Variants in COL19A1 observed in about 807,000 individuals in gnomAD.
COL19A1 encodes collagen alpha-1(XIX) chain.
COL19A1 carries 159 observed loss-of-function variants against 190.2 expected under a neutral mutation model. That is an observed-to-expected ratio of 0.84 (90% CI 0.73 to 0.95). COL19A1 has a LOEUF of 0.95. Ranked by LOEUF, COL19A1 falls within the 40% of genes least tolerant of loss-of-function variation. The pLI is 0.00. For missense variants in COL19A1, 1,418 were observed against 1,431.9 expected (o/e 0.99, Z 0.16); for synonymous variants, 509 against 458.9 (o/e 1.11, Z -1.39).
chr6:70,048,885 A>G (rs1042412609), intron 14 of COL19A1, among the ~76,000 whole-genome samples: 23 of 152,216 alleles, frequency 1.5e-4, no homozygotes, highest in African/African-American at 5.3e-4. Flanking sequence ...GCTTTGCTGC[A>G]TATAATTTTT....
Position 69,962,884 on chromosome 6 carries a change from T to C in COL19A1, c.1026+14T>C. 6.3e-7 allele frequency: 1 copy of C among 1,596,312 alleles called. No individual in the cohort carries two copies. Among genetic ancestry groups the C allele is most frequent in the Middle Eastern group, 1.7e-4 (1 of 5,962 alleles). ...ACTGGTGAAAAGGTAAATATCTCTT[T>C]TTACATTCACATCTGTAAAAAGAAA... On this transcript the variant is annotated intron_variant, in intron 11 of 50. Transcript: ENST00000620364.
At chr6:70,046,986 T>G (rs1239823278) in intron 14 of COL19A1, among the ~76,000 whole-genome samples, 1 of 152,110 alleles carries the variant, frequency 6.6e-6, no homozygotes, top group Non-Finnish European at 1.5e-5. Flanking sequence ...TTCCACGTTT[T>G]AAAAATATCA....
chr6:70,118,460 C>T (rs1277294009), intron 16 of COL19A1, among the ~76,000 whole-genome samples: 2 of 152,162 alleles, frequency 1.3e-5, no homozygotes, highest in African/African-American at 4.8e-5. Flanking sequence ...CTGAAGGGTT[C>T]CTTCGGACCG....
chr6:70,098,220 T>A lies in COL19A1; in HGVS notation c.1225-3949T>A, dbSNP rs3793054. Among the ~76,000 whole-genome samples, 6 of 152,314 alleles carry A rather than the reference T, an allele frequency of 3.9e-5. No individual in the cohort carries two copies. The East Asian group carries it at 1.2e-3, about 29-fold the overall frequency. On this transcript the variant is annotated intron_variant, in intron 15 of 50. Coordinates refer to ENST00000620364, the MANE Select transcript of COL19A1 (RefSeq NM_001858.6). The stretch of plus-strand genomic sequence containing the variant: ...GAAAAGTGGGGGAATCTGATTTTAG[T>A]CCTAGGAAGGGAGTTGTGGTTTATG...
intron 4 of COL19A1, among the ~76,000 whole-genome samples, chr6:69,912,700 C>A (rs553715599): frequency 6.6e-6 from 1 of 152,238 alleles, no homozygotes; most frequent in East Asian, 1.9e-4. Flanking sequence ...GTCCCCTGGG[C>A]CCTGAGGCAG....
intron 31 of COL19A1, among the ~76,000 whole-genome samples, chr6:70,154,162 T>C (rs1414925647): frequency 7.8e-6 from 1 of 128,756 alleles, no homozygotes; most frequent in African/African-American, 3.1e-5. Flanking sequence ...CCTGTGTCCA[T>C]GTGTTCTCAT....
intron 16 of COL19A1, among the ~76,000 whole-genome samples, chr6:70,112,124 A>G (rs1289644274): frequency 6.6e-6 from 1 of 152,188 alleles, no homozygotes; most frequent in Non-Finnish European, 1.5e-5. Flanking sequence ...GGGTCCATGT[A>G]AGCCATCTTT....
At chr6:70,046,200 C>T (rs1291697740) in intron 14 of COL19A1, among the ~76,000 whole-genome samples, 1 of 152,188 alleles carries the variant, frequency 6.6e-6, no homozygotes, top group East Asian at 1.9e-4. Flanking sequence ...AATTCTCACA[C>T]CTCTGCTATT....
At chr6:70,019,978 A>C (rs980501148) in intron 11 of COL19A1, among the ~76,000 whole-genome samples, 1 of 152,118 alleles carries the variant, frequency 6.6e-6, no homozygotes, top group Admixed American at 6.5e-5. Context: ...ATATCAATAC[A>C]TATTTCCTTC....
intron 1 of COL19A1, among the ~76,000 whole-genome samples, chr6:69,876,970 C>G (rs555844819): frequency 7.9e-5 from 12 of 152,146 alleles, no homozygotes; most frequent in Non-Finnish European, 1.6e-4. Flanking sequence ...TAGCTATTCA[C>G]CCAGAAAGAT....
intron 33 of COL19A1, 34 bp from the exon 34 acceptor site, chr6:70,156,636 T>C: frequency 6.2e-7 from 1 of 1,605,432 alleles, no homozygotes; most frequent in Non-Finnish European, 8.5e-7. Flanking sequence ...AGAAAAATGA[T>C]TGCATGTGCT....
At chr6:70,099,102 G>A (rs1783471531) in intron 15 of COL19A1, among the ~76,000 whole-genome samples, 1 of 144,352 alleles carries the variant, frequency 6.9e-6, no homozygotes, top group Non-Finnish European at 1.5e-5. Flanking sequence ...AAAAGAGATT[G>A]TGCCCTGCCT....
intron 15 of COL19A1, among the ~76,000 whole-genome samples, chr6:70,096,592 G>T (rs891031796): frequency 1.3e-5 from 2 of 152,030 alleles, no homozygotes; most frequent in Non-Finnish European, 2.9e-5. Context: ...GAAAAAATGG[G>T]GCACAGGGAT....
intron 11 of COL19A1, among the ~76,000 whole-genome samples, chr6:69,966,355 A>G (rs1562042750): frequency 1.3e-5 from 2 of 152,220 alleles, no homozygotes; most frequent in Non-Finnish European, 1.5e-5. Flanking sequence ...GAAAAGAAAG[A>G]GAGATCAGAT....
chr6:70,150,374 A>G (rs1786977740), intron 30 of COL19A1, among the ~76,000 whole-genome samples: 1 of 152,182 alleles, frequency 6.6e-6, no homozygotes, highest in African/African-American at 2.4e-5. Flanking sequence ...TAGTGGCTAA[A>G]TGAATTTCAT....
At chr6:70,142,894 G>A in intron 23 of COL19A1, 74 bp downstream of exon 23, 1 of 1,362,210 alleles carries the variant, frequency 7.3e-7, no homozygotes, top group Non-Finnish European at 1.0e-6. Context: ...ATCAACATGT[G>A]TTCAAGTAAC....
At chr6:69,966,255 C>G (rs61336925) in intron 11 of COL19A1, among the ~76,000 whole-genome samples, 4 of 152,158 alleles carry the variant, frequency 2.6e-5, no homozygotes, top group African/African-American at 9.7e-5. Flanking sequence ...CCGGCCGCCA[C>G]CCCGTCTGGG....
rs1767147448 is a variant in COL19A1, at chr6:70,195,582, A to G, written c.3095-4026A>G. ...CAGAGGCAGACTACTTACCCTTTTA[A>G]GATAATAATAAACCCTCAGTCTTTT... On this transcript the variant is annotated intron_variant, in intron 48 of 50. Coordinates refer to ENST00000620364, the MANE Select transcript of COL19A1 (RefSeq NM_001858.6). Among the ~76,000 whole-genome samples, 3 of 152,256 alleles carry G rather than the reference A, an allele frequency of 2.0e-5. No individual in the cohort carries two copies. In the South Asian group the frequency reaches 6.2e-4, roughly 32 times the overall value.
At chr6:70,188,532 T>A (rs1766666416) in intron 47 of COL19A1, among the ~76,000 whole-genome samples, 1 of 152,210 alleles carries the variant, frequency 6.6e-6, no homozygotes, top group African/African-American at 2.4e-5. Flanking sequence ...GGTCACAGAT[T>A]TATTAAGTGG....
Sources: gnomAD v4.1 joint callset for allele counts (sites outside exome capture counted in the v4.1 genomes callset) on GRCh38, gnomAD v4.1.1 for gene constraint, MANE v1.5 for transcripts, NCBI Gene and HGNC (gene_info 2026-07-23, HGNC 2026-07-21) for gene names.